The following MEGF11 variants were observed in gnomAD, a reference collection of about 807,000 sequenced individuals.
MEGF11 encodes the protein multiple epidermal growth factor-like domains protein 11.
A neutral mutation model predicts 146.6 loss-of-function variants in MEGF11; 126 were observed. The observed-to-expected ratio is 0.86, with a 90% CI of 0.74 to 1.00. The LOEUF is 1.00. Ranked by LOEUF, MEGF11 falls within the 50% of genes least tolerant of loss-of-function variation. MEGF11 has a pLI of 0.00. For missense variants in MEGF11, 1,509 were observed against 1,521.2 expected (o/e 0.99, Z 0.13); for synonymous variants, 532 against 583.4 (o/e 0.91, Z 1.27).
At chr15:66,021,751 T>C (rs1455675840) in intron 5 of MEGF11, among the ~76,000 whole-genome samples, 1 of 152,130 alleles carries the variant, frequency 6.6e-6, no homozygotes, top group Non-Finnish European at 1.5e-5. Context: ...GTTAGGCTGG[T>C]GTGAGTTGGA....
At chr15:65,968,416 T>C (rs1224465771) in intron 8 of MEGF11, among the ~76,000 whole-genome samples, 2 of 152,194 alleles carry the variant, frequency 1.3e-5, no homozygotes, top group Non-Finnish European at 2.9e-5. Flanking sequence ...TCCCTCCTGC[T>C]TAGCAGGACT....
At chr15:66,227,396 A>G (rs2091876620) in intron 1 of MEGF11, among the ~76,000 whole-genome samples, 1 of 152,198 alleles carries the variant, frequency 6.6e-6, no homozygotes, top group South Asian at 2.1e-4. Flanking sequence ...TTGGATATTA[A>G]TAGTAATAAA....
At chr15:66,142,917 C>T (rs1469477540) in intron 1 of MEGF11, among the ~76,000 whole-genome samples, 1 of 152,156 alleles carries the variant, frequency 6.6e-6, no homozygotes, top group South Asian at 2.1e-4. Context: ...ACAGAAGAAC[C>T]TTAACAGCTT....
At chr15:66,092,294 A>C (rs936751893) in intron 5 of MEGF11, among the ~76,000 whole-genome samples, 4 of 152,212 alleles carry the variant, frequency 2.6e-5, no homozygotes, top group African/African-American at 9.6e-5. Flanking sequence ...TGAAGGTGAG[A>C]ATCTATGAAT....
intron 1 of MEGF11, among the ~76,000 whole-genome samples, chr15:66,157,300 T>C (rs1312418709): frequency 6.6e-6 from 1 of 152,244 alleles, no homozygotes; most frequent in Non-Finnish European, 1.5e-5. Context: ...TGATCACAGC[T>C]AGCAGGGTGC....
intron 1 of MEGF11, among the ~76,000 whole-genome samples, chr15:66,212,003 T>TAAGC: frequency 3.3e-3 from 1 of 306 alleles, no homozygotes; most frequent in Non-Finnish European, 6.0e-3. Context: ...TCAAAAGCAT[T>TAAGC]TAGCTGAGAG....
chr15:66,085,542 G>C (rs1402860531), intron 5 of MEGF11, among the ~76,000 whole-genome samples: 1 of 152,226 alleles, frequency 6.6e-6, no homozygotes, highest in Non-Finnish European at 1.5e-5. Context: ...GAGCTGGGTA[G>C]ACTTACCAGG....
At chr15:66,141,233 GGTGTGTGTGTGTGTGTGTGTGTGT>G (rs572801225) in intron 1 of MEGF11, among the ~76,000 whole-genome samples, 26 of 97,204 alleles carry the variant, frequency 2.7e-4, no homozygotes, top group Admixed American at 9.3e-4. Context: ...CAGACTCAGG[GGTGTGTGTGTGTGTGTGTGTGTGT>G]GTGTGTGTGT....
chr15:66,132,093 C>T (rs1443844838), intron 1 of MEGF11, among the ~76,000 whole-genome samples: 1 of 152,222 alleles, frequency 6.6e-6, no homozygotes, highest in East Asian at 1.9e-4. Flanking sequence ...TCCTCCTGTC[C>T]AGGGCTTCTG....
chr15:66,014,328 C>T (rs983184444), intron 5 of MEGF11, among the ~76,000 whole-genome samples: 1 of 152,196 alleles, frequency 6.6e-6, no homozygotes, highest in Admixed American at 6.5e-5. Context: ...GTCACATTCA[C>T]AGGCTCCAGA....
At chr15:66,119,606 G>C (rs1179613362) in intron 3 of MEGF11, among the ~76,000 whole-genome samples, 2 of 147,216 alleles carry the variant, frequency 1.4e-5, no homozygotes, top group African/African-American at 4.9e-5. Context: ...TAACAAGCCA[G>C]ACTGCTCACA....
intron 1 of MEGF11, among the ~76,000 whole-genome samples, chr15:66,203,888 T>C (rs11636681): frequency 0.27 from 41,063 of 152,078 alleles, 5,805 homozygotes; most frequent in African/African-American, 0.35. Context: ...TAGGAAAATG[T>C]GGGGATTTTT....
At chr15:66,246,874 G>A (rs2092303159) in intron 1 of MEGF11, among the ~76,000 whole-genome samples, 1 of 152,116 alleles carries the variant, frequency 6.6e-6, no homozygotes, top group Non-Finnish European at 1.5e-5. Context: ...CATGGAGATT[G>A]ATGCGTGATC....
At chr15:65,956,260 T>C (rs2080634204) in intron 10 of MEGF11, among the ~76,000 whole-genome samples, 1 of 152,212 alleles carries the variant, frequency 6.6e-6, no homozygotes, top group Admixed American at 6.5e-5. Flanking sequence ...ACCAGCATTA[T>C]TGGTATCACT....
chr15:66,095,460 C>T (rs774759868), intron 4 of MEGF11, among the ~76,000 whole-genome samples: 2 of 152,138 alleles, frequency 1.3e-5, no homozygotes, highest in Admixed American at 6.5e-5. Flanking sequence ...TTTGTTTTTC[C>T]CGAAAGCAAG....
chr15:65,978,492 G>C (rs2081524557), intron 7 of MEGF11, among the ~76,000 whole-genome samples: 1 of 152,184 alleles, frequency 6.6e-6, no homozygotes, highest in Non-Finnish European at 1.5e-5. Context: ...CAAACCTCTT[G>C]CTGTGCTGGG....
At chr15:66,232,979 G>A (rs1474087416) in intron 1 of MEGF11, among the ~76,000 whole-genome samples, 2 of 152,182 alleles carry the variant, frequency 1.3e-5, no homozygotes, top group Non-Finnish European at 2.9e-5. Context: ...GAACGAGGAT[G>A]CCATAGGGCT....
intron 1 of MEGF11, among the ~76,000 whole-genome samples, chr15:66,205,393 A>G (rs1375240027): frequency 3.3e-5 from 5 of 152,220 alleles, no homozygotes; most frequent in Non-Finnish European, 1.5e-5. Context: ...ACAATGAGCT[A>G]TAATTGCACC....
At chr15:65,979,664 T>TC (rs1434146769) in intron 7 of MEGF11, among the ~76,000 whole-genome samples, 8 of 152,186 alleles carry the variant, frequency 5.3e-5, no homozygotes, top group African/African-American at 1.9e-4. Context: ...AGGCAGGGTA[T>TC]GTTGGCTAAA....
Sources: gnomAD v4.1 joint callset for allele counts (sites outside exome capture counted in the v4.1 genomes callset) on GRCh38, gnomAD v4.1.1 for gene constraint, MANE v1.5 for transcripts, NCBI Gene and HGNC (gene_info 2026-07-23, HGNC 2026-07-21) for gene names.